Variants in SELP observed in about 807,000 individuals in gnomAD.
The protein encoded by SELP is P-selectin.
SELP carries 92 observed loss-of-function variants against 104.1 expected under a neutral mutation model. The observed-to-expected ratio is 0.88, with a 90% CI of 0.75 to 1.05. The LOEUF is 1.05. Among genes scored for constraint, SELP ranks in the 50% least tolerant of loss-of-function variants. The pLI, the probability that SELP is intolerant of heterozygous loss-of-function variation, is 0.00. For synonymous variants in SELP, 397 were observed against 364.5 expected (o/e 1.09, Z -1.01); for missense variants, 1,022 against 1,017.3 (o/e 1.00, Z -0.06).
intron 9 of SELP, among the ~76,000 whole-genome samples, chr1:169,606,236 G>A (rs1213032528): frequency 6.6e-6 from 1 of 152,194 alleles, no homozygotes; most frequent in Admixed American, 6.5e-5. Flanking sequence ...AGAATTGCTT[G>A]AACCCGGGAG....
intron 15 of SELP, among the ~76,000 whole-genome samples, chr1:169,591,123 G>A (rs1239649121): frequency 2.6e-5 from 4 of 152,248 alleles, no homozygotes; most frequent in East Asian, 1.9e-4. Context: ...CTGCGTGGGC[G>A]TTGCTTTCCT....
chr1:169,590,660 T>C (rs1399832026), intron 15 of SELP, among the ~76,000 whole-genome samples: 1 of 152,148 alleles, frequency 6.6e-6, no homozygotes, highest in Non-Finnish European at 1.5e-5. Flanking sequence ...ATATAAGGAT[T>C]TCCATGTCCT....
intron 13 of SELP, 35 bp downstream of exon 13, chr1:169,594,657 T>C (rs1009582799): frequency 1.3e-6 from 2 of 1,593,194 alleles, no homozygotes; most frequent in Non-Finnish European, 1.7e-6. Context: ...ATTTTCCACA[T>C]CAAAGTGACT....
chr1:169,613,586 C>T lies in SELP; in HGVS notation c.589G>A (p.Val197Met), dbSNP rs755899310. Residue 197 changes from valine (V) to methionine (M), a missense_variant and splice_region_variant, in exon 4 of 17, where the codon GTG becomes ATG. Physicochemically the swap from Val to Met is conservative, Grantham distance 21 (BLOSUM62 1). Coordinates refer to ENST00000263686, the MANE Select transcript of SELP (RefSeq NM_003005.4). ...AATATCAACAAAAAGGAAGCCTCACCGTATTCACATTCTGGCCCATAGAAT... is the reference window on the plus strand; with the variant it reads ...AATATCAACAAAAAGGAAGCCTCACTGTATTCACATTCTGGCCCATAGAAT... ...PGFYGPECEY[V>M]RECGELELPQ... 5.6e-6 allele frequency: 9 copies of T among 1,610,980 alleles called. No homozygotes were observed. Among genetic ancestry groups the T allele is most frequent in the South Asian group, 2.2e-5 (2 of 91,010 alleles).
chr1:169,625,945 G>A (rs892379470), intron 1 of SELP, among the ~76,000 whole-genome samples: 3 of 152,180 alleles, frequency 2.0e-5, no homozygotes, highest in African/African-American at 7.2e-5. Context: ...TAAGTGCTAG[G>A]TAGGAAATGA....
intron 9 of SELP, among the ~76,000 whole-genome samples, chr1:169,603,737 C>T (rs1662039966): frequency 6.6e-6 from 1 of 152,174 alleles, no homozygotes; most frequent in Non-Finnish European, 1.5e-5. Flanking sequence ...CTGTTACTTG[C>T]TAGCAATCTA....
Position 169,608,147 on chromosome 1 carries a change from CTTTT to C in SELP, c.1334-1017_1334-1014del, listed in dbSNP as rs200791706. On this transcript the variant is annotated intron_variant, in intron 8 of 16. Coordinates refer to ENST00000263686, the MANE Select transcript of SELP (RefSeq NM_003005.4). ...CTATTCTATTGCCTTCTTGTTTTTT[CTTTT>C]TTTTTTTTTTTGCTGTTCAATTTTT... Among the ~76,000 whole-genome samples the C allele has an allele frequency of 6.1e-4, 84 of 138,224 alleles. 1 individual carries two copies. Among genetic ancestry groups the C allele is most frequent in the Middle Eastern group, 7.5e-3 (2 of 268 alleles). The allele number at this position is 138,224 out of a possible 152,430, so 90.7% of individuals were successfully genotyped here.
At chr1:169,624,344 G>T (rs1481191619) in intron 1 of SELP, among the ~76,000 whole-genome samples, 2 of 152,180 alleles carry the variant, frequency 1.3e-5, no homozygotes, top group Non-Finnish European at 2.9e-5. Context: ...TTCTCTGGAA[G>T]GCTGGTTCAA....
rs184491096 is a variant in SELP at position 169,616,239 on chromosome 1, G to C, written c.481+789C>G. On this transcript the variant is annotated intron_variant, in intron 3 of 16. Transcript: ENST00000263686. ...CAAAGTTCAATGGATCTAAAGATATGTTGTTGTTGAAGAGAAACTATAAAG... is the reference window on the plus strand; with the variant it reads ...CAAAGTTCAATGGATCTAAAGATATCTTGTTGTTGAAGAGAAACTATAAAG... 3.8e-3 allele frequency among the ~76,000 whole-genome samples: 581 copies of C among 152,280 alleles called. 1 individual carries two copies. Among genetic ancestry groups the C allele is most frequent in the African/African-American group, 0.013 (560 of 41,548 alleles).
intron 16 of SELP, 118 bp downstream of exon 16, chr1:169,590,029 A>C: frequency 1.4e-6 from 1 of 690,634 alleles, no homozygotes; most frequent in Admixed American, 2.9e-5. Context: ...CATGCCTGAA[A>C]ATTTAATACA....
chr1:169,625,845 T>A (rs1157595633), intron 1 of SELP, among the ~76,000 whole-genome samples: 1 of 152,228 alleles, frequency 6.6e-6, no homozygotes, highest in African/African-American at 2.4e-5. Flanking sequence ...ATGCACATTC[T>A]ATTGGTAGAG....
rs370874657 is a variant in SELP, at chr1:169,593,743, C to T, written c.2288-19G>A. 5.0e-6 allele frequency: 8 copies of T among 1,612,708 alleles called. No individual in the cohort carries two copies. Among genetic ancestry groups the T allele is most frequent in the Non-Finnish European group, 5.1e-6 (6 of 1,179,172 alleles). Reference sequence around the variant, plus strand: ...GGTCCTGCTACAAAACAAACACACACACATGCAAGACATAAGAAGTGTATT... The same window carrying T: ...GGTCCTGCTACAAAACAAACACACATACATGCAAGACATAAGAAGTGTATT... On this transcript the variant is annotated intron_variant, in intron 13 of 16. Transcript: ENST00000263686.
rs116959152 is a variant in SELP, at chr1:169,607,134, G to C, written c.1334C>G (p.Ala445Gly). ...QWTAPAPVCQ[A>G]LQCQDLPVPN... ...AACTGGGAGATCCTGGCACTGCAAA[G>C]CTAAGGGATGAGGAAGTAAGGAATA... The change falls in exon 9 of 17, where the codon GCT (alanine) becomes GGT (glycine). Residue 445 changes from alanine (A) to glycine (G), a missense_variant and splice_region_variant. By Grantham distance (60) the Ala-to-Gly change is moderately conservative. Coordinates refer to ENST00000263686, the MANE Select transcript of SELP (RefSeq NM_003005.4). 2.8e-4 allele frequency: 445 copies of C among 1,591,112 alleles called. 3 individuals are homozygous for C. The East Asian group carries it at 9.6e-3, about 34-fold the overall frequency.
rs1291388635 is a variant in SELP, at chr1:169,594,941, TC to T, written c.2102-65del. The T allele has an allele frequency of 8.2e-6, 12 of 1,456,796 alleles. No homozygotes were observed. The East Asian group carries it at 2.8e-4, about 34-fold the overall frequency. 90.2% of individuals were successfully genotyped at this position (1,456,796 alleles called of 1,614,324 possible). A position where few individuals can be genotyped will look rare whatever the true frequency, so the allele number is the denominator to read the frequency against. ...ATTGGAGGTGAAAGAGATTATAGTT[TC>T]TTTTGTAACCTAACATTGCCAATAA... On this transcript the variant is annotated intron_variant, in intron 12 of 16. Coordinates refer to ENST00000263686, the MANE Select transcript of SELP (RefSeq NM_003005.4).
chr1:169,626,191 G>A (rs1315387355), intron 1 of SELP, among the ~76,000 whole-genome samples: 4 of 152,216 alleles, frequency 2.6e-5, no homozygotes, highest in Non-Finnish European at 5.9e-5. Flanking sequence ...AATGGAATGA[G>A]CAATGGAGAG....
At chr1:169,594,922 G>T in intron 12 of SELP, 45 bp from the exon 13 acceptor site, 1 of 1,547,266 alleles carries the variant, frequency 6.5e-7, no homozygotes, top group Non-Finnish European at 8.8e-7. Flanking sequence ...GTGGATTGGA[G>T]GTGAAAGAGA....
chr1:169,608,314 T>C (rs539724506), intron 8 of SELP, among the ~76,000 whole-genome samples: 1 of 152,200 alleles, frequency 6.6e-6, no homozygotes, highest in East Asian at 1.9e-4. Flanking sequence ...CAAAACTCTT[T>C]TCATCATCTC....
At chr1:169,606,401 C>A (rs754500959) in intron 9 of SELP, among the ~76,000 whole-genome samples, 2 of 152,212 alleles carry the variant, frequency 1.3e-5, no homozygotes, top group Non-Finnish European at 2.9e-5. Flanking sequence ...ATCCCGTAAC[C>A]TCCAGTATAC....
chr1:169,593,662 C>A lies in SELP; in HGVS notation c.2350G>T (p.Gly784Cys). The A allele has an allele frequency of 6.2e-7, 1 of 1,613,474 alleles. No homozygotes were observed. Among genetic ancestry groups the A allele is most frequent in the South Asian group, 1.1e-5 (1 of 91,056 alleles). Residue 784 changes from glycine to cysteine, a missense_variant, in exon 14 of 17, where the codon GGT (glycine) becomes TGT (cysteine). By Grantham distance (159) the Gly-to-Cys change is radical. Coordinates refer to ENST00000263686, the MANE Select transcript of SELP (RefSeq NM_003005.4). Reference protein sequence around the residue: ...YFGGAVASTIGLIMGGTLLAL... With the variant: ...YFGGAVASTICLIMGGTLLAL... ...AGGAGCGTCCCACCCATTATCAGACCTATCGTAGAAGCCACCGCTCCACCA... is the reference window on the plus strand; with the variant it reads ...AGGAGCGTCCCACCCATTATCAGACATATCGTAGAAGCCACCGCTCCACCA...
Sources: gnomAD v4.1 joint callset for allele counts (sites outside exome capture counted in the v4.1 genomes callset) on GRCh38, gnomAD v4.1.1 for gene constraint, MANE v1.5 for transcripts, NCBI Gene and HGNC (gene_info 2026-07-23, HGNC 2026-07-21) for gene names.